Variants in SVOPL observed in about 807,000 individuals in gnomAD.
The protein encoded by SVOPL is putative transporter SVOPL.
SVOPL carries 60 observed loss-of-function variants against 61.0 expected under a neutral mutation model. The ratio of observed to expected loss-of-function variants is 0.98; its 90% CI spans 0.80 to 1.22. The LOEUF is 1.22. Ranked by LOEUF, SVOPL falls within the 50% of genes most tolerant of loss-of-function variation. The pLI is 0.00. For missense variants in SVOPL, 662 were observed against 643.9 expected, an observed-to-expected ratio of 1.03 and a Z score of -0.30; for synonymous variants, 279 against 250.0, an observed-to-expected ratio of 1.12 and a Z score of -1.09.
At chr7:138,629,141 G>A (rs1351072794) in intron 10 of SVOPL, among the ~76,000 whole-genome samples, 2 of 92,366 alleles carry the variant, frequency 2.2e-5, no homozygotes, top group Admixed American at 1.4e-4. Flanking sequence ...GTGTGTGTGT[G>A]TGTGTGTGTG....
chr7:138,621,085 C>G lies in SVOPL; in HGVS notation c.1314G>C (p.Leu438=), dbSNP rs754967416. ...GTGCCACCATTGCACCAATGCGACA[C>G]AGGGAGCCGCTGGTTCCCATCCCCA... ...RALGMGTSGS[L]CRIGAMVAPF... is the part of the protein sequence containing the mutation. The change falls in exon 14 of 16, where the codon CTG becomes CTC. Residue 438 remains leucine, a synonymous_variant. Coordinates refer to ENST00000674285, the MANE Select transcript of SVOPL (RefSeq NM_001139456.2). 1 of 1,613,740 alleles carries G rather than the reference C, an allele frequency of 6.2e-7. No individual in the cohort carries two copies. Among genetic ancestry groups the G allele is most frequent in the Non-Finnish European group, 8.5e-7 (1 of 1,179,862 alleles).
chr7:138,663,948 A>T (rs1802130054), intron 4 of SVOPL, among the ~76,000 whole-genome samples: 1 of 152,130 alleles, frequency 6.6e-6, no homozygotes, highest in South Asian at 2.1e-4. Context: ...GGGAAGACTG[A>T]AATGCATTTC....
At chr7:138,660,544 A>C in intron 5 of SVOPL, 1 of 985,948 alleles carries the variant, frequency 1.0e-6, no homozygotes, top group Non-Finnish European at 1.2e-6. Flanking sequence ...CAGTGGAAAG[A>C]TGTACTTTCA....
intron 9 of SVOPL, among the ~76,000 whole-genome samples, chr7:138,631,960 T>TCTCACACACACACA (rs935815206): frequency 1.8e-3 from 271 of 147,066 alleles, no homozygotes; most frequent in African/African-American, 2.4e-3. Context: ...TGCTCTGATA[T>TCTCACACACACACA]CACACACACA....
chr7:138,673,691 T>C (rs1302459468), intron 3 of SVOPL, among the ~76,000 whole-genome samples: 1 of 152,190 alleles, frequency 6.6e-6, no homozygotes, highest in Non-Finnish European at 1.5e-5. Flanking sequence ...TAAACTCATC[T>C]TCCTTCAGTA....
Position 138,594,417 on chromosome 7 carries a change from TTATA to T in SVOPL, c.*189_*192del. ...TTAAATTATATTTTATAAAAGTACT[TTATA>T]TATTGTTCCTCAAGGAAGAGATCAA... On this transcript the variant is annotated 3_prime_UTR_variant, in exon 16 of 16. Coordinates refer to ENST00000674285, the MANE Select transcript of SVOPL (RefSeq NM_001139456.2). 2.6e-6 allele frequency: 1 copy of T among 392,104 alleles called. No homozygotes were observed. Among genetic ancestry groups the T allele is most frequent in the African/African-American group, 2.1e-5 (1 of 48,586 alleles). The allele number at this position is 392,104 out of a possible 1,614,324, so 24.3% of individuals were successfully genotyped here.
At chr7:138,695,784 T>A (rs898259836) in intron 1 of SVOPL, among the ~76,000 whole-genome samples, 3 of 152,188 alleles carry the variant, frequency 2.0e-5, no homozygotes, top group Non-Finnish European at 4.4e-5. Context: ...TTTATTTATT[T>A]GTTTTTATTT....
intron 1 of SVOPL, among the ~76,000 whole-genome samples, chr7:138,700,073 G>C (rs1803156128): frequency 6.6e-6 from 1 of 152,164 alleles, no homozygotes. Flanking sequence ...GTTCACATCT[G>C]TACCTTGGAA....
intron 13 of SVOPL, among the ~76,000 whole-genome samples, chr7:138,623,472 C>T (rs1466156300): frequency 9.2e-5 from 14 of 151,990 alleles, no homozygotes; most frequent in Non-Finnish European, 4.4e-5. Flanking sequence ...TGGTGGCGGG[C>T]ACCTGTAGTC....
chr7:138,670,813 C>A (rs1358656756), intron 4 of SVOPL, among the ~76,000 whole-genome samples: 1 of 152,160 alleles, frequency 6.6e-6, no homozygotes, highest in Non-Finnish European at 1.5e-5. Flanking sequence ...TTCTACCCTG[C>A]AGCCTTATCT....
chr7:138,632,991 G>C (rs7792330), intron 9 of SVOPL, among the ~76,000 whole-genome samples: 62,656 of 151,926 alleles, frequency 0.41, 14,246 homozygotes, highest in African/African-American at 0.61. Flanking sequence ...AGATTATGTT[G>C]TAGTCTCTAT....
chr7:138,684,364 CA>C lies in SVOPL; in HGVS notation c.-34-5286del, dbSNP rs34602180. Reference sequence around the variant, plus strand: ...TGGGCAACACAGCAAGACTCCATCTCAAAAAAAAAAAAAAAGGAAAAAGGAA... The same window carrying C: ...TGGGCAACACAGCAAGACTCCATCTCAAAAAAAAAAAAAAGGAAAAAGGAA... On this transcript the variant is annotated intron_variant, in intron 1 of 15. Transcript: ENST00000674285. Among the ~76,000 whole-genome samples the C allele has an allele frequency of 7.7e-3, 866 of 112,432 alleles. 5 individuals are homozygous for C. The highest frequency in any genetic ancestry group is 0.057 in the South Asian group (197 of 3,484). The allele number at this position is 112,432 out of a possible 152,430, so 73.8% of individuals were successfully genotyped here. A position where few individuals can be genotyped will look rare whatever the true frequency, so the allele number is the denominator to read the frequency against.
At position 138,656,456 on chromosome 7, in the gene SVOPL, A is replaced by C; in HGVS notation, c.526T>G (p.Leu176Val). The change falls in exon 7 of 16, where the codon TTG (leucine) becomes GTG (valine). Residue 176 changes from leucine (L) to valine (V), a missense_variant. Coordinates refer to ENST00000674285, the MANE Select transcript of SVOPL (RefSeq NM_001139456.2). Reference protein sequence around the residue: ...PTKYRGYMLPLSQVFWLAGSL... With the variant: ...PTKYRGYMLPVSQVFWLAGSL... ...CTCCTACGTTGCCTTACCTGAGACA[A>C]GGGTAACATATAGCCTCGGTATTTC... 10 of 1,614,032 alleles carry C rather than the reference A, an allele frequency of 6.2e-6. No individual in the cohort carries two copies. The highest frequency in any genetic ancestry group is 7.6e-6 in the Non-Finnish European group (9 of 1,179,934).
intron 10 of SVOPL, among the ~76,000 whole-genome samples, chr7:138,628,692 C>T (rs1483028605): frequency 2.0e-5 from 3 of 152,186 alleles, no homozygotes; most frequent in Non-Finnish European, 2.9e-5. Flanking sequence ...ACTTTGCCTC[C>T]TTCTCAACCC....
At chr7:138,672,851 G>A (rs1301761988) in intron 3 of SVOPL, among the ~76,000 whole-genome samples, 7 of 142,686 alleles carry the variant, frequency 4.9e-5, no homozygotes, top group Non-Finnish European at 9.0e-5. Flanking sequence ...TACAGTTTGA[G>A]TATGATCCTT....
intron 14 of SVOPL, among the ~76,000 whole-genome samples, chr7:138,618,049 A>T (rs762487644): frequency 2.6e-5 from 4 of 152,178 alleles, no homozygotes; most frequent in Non-Finnish European, 2.9e-5. Flanking sequence ...CCCTAAACCG[A>T]GGCAAATATC....
At chr7:138,694,949 G>T (rs917035464) in intron 1 of SVOPL, among the ~76,000 whole-genome samples, 4 of 151,936 alleles carry the variant, frequency 2.6e-5, no homozygotes, top group Non-Finnish European at 4.4e-5. Context: ...ATGTTGACCA[G>T]GCTGGTCTCG....
intron 10 of SVOPL, among the ~76,000 whole-genome samples, chr7:138,629,461 G>C (rs532658956): frequency 2.6e-4 from 39 of 152,074 alleles, no homozygotes; most frequent in Non-Finnish European, 4.9e-4. Flanking sequence ...TCGAACTCCT[G>C]ACCTCAGGTG....
rs116829831 is a variant in SVOPL at position 138,624,193 on chromosome 7, C to T, written c.1263+1776G>A. Among the ~76,000 whole-genome samples, 853 of 152,336 alleles carry T rather than the reference C, an allele frequency of 5.6e-3. 12 individuals carry two copies. Among genetic ancestry groups the T allele is most frequent in the African/African-American group, 0.019 (807 of 41,586 alleles). On this transcript the variant is annotated intron_variant, in intron 13 of 15. Transcript: ENST00000674285. Reference sequence around the variant, plus strand: ...CATCAAGTTCACCTTAGTTCCCCTACAGAGCTGGAGTAAAATTTATTGTCA... The same window carrying T: ...CATCAAGTTCACCTTAGTTCCCCTATAGAGCTGGAGTAAAATTTATTGTCA...
Sources: gnomAD v4.1 joint callset for allele counts (sites outside exome capture counted in the v4.1 genomes callset) on GRCh38, gnomAD v4.1.1 for gene constraint, MANE v1.5 for transcripts, NCBI Gene and HGNC (gene_info 2026-07-23, HGNC 2026-07-21) for gene names.